The following FKBP11 variants were observed in gnomAD, a reference collection of about 807,000 sequenced individuals.
The protein encoded by FKBP11 is peptidyl-prolyl cis-trans isomerase FKBP11.
FKBP11 carries 21 observed loss-of-function variants against 24.7 expected under a neutral mutation model. The observed-to-expected ratio is 0.85, with a 90% CI of 0.60 to 1.23. FKBP11 has a LOEUF of 1.23. FKBP11 is among the 50% of genes most tolerant of loss of function. The pLI is 0.00. For synonymous variants in FKBP11, 106 were observed against 100.6 expected (o/e 1.05, Z -0.32); for missense variants, 245 against 248.7 (o/e 0.99, Z 0.10).
intron 5 of FKBP11, chr12:48,923,212 A>G: frequency 7.9e-7 from 1 of 1,263,404 alleles, no homozygotes; most frequent in Non-Finnish European, 1.0e-6. Flanking sequence ...AGCTAATAGA[A>G]CATTTGTTAG....
chr12:48,938,328 C>T, the FKBP11 span: 1 of 452,202 alleles, frequency 2.2e-6, no homozygotes, highest in Admixed American at 2.4e-5. Context: ...AATGCCCTCC[C>T]ACCTTCTTCC....
At chr12:48,925,224 G>A (rs1939935076) in intron 1 of FKBP11, 76 bp downstream of exon 1, 2 of 1,588,278 alleles carry the variant, frequency 1.3e-6, no homozygotes, top group Non-Finnish European at 1.7e-6. Flanking sequence ...CCGGCTCCCA[G>A]GTTCGCTGAG....
At chr12:48,933,131 T>C in the FKBP11 span, among the ~76,000 whole-genome samples, 1 of 152,226 alleles carries the variant, frequency 6.6e-6, no homozygotes, top group Non-Finnish European at 1.5e-5. Flanking sequence ...CTCCAACCAC[T>C]GCCTTCGGTG....
the FKBP11 span, chr12:48,937,538 C>T: frequency 6.6e-6 from 1 of 152,380 alleles, no homozygotes. Flanking sequence ...GCACTGACAA[C>T]CACTTCAGGA....
At chr12:48,929,161 A>G (rs1046184706), upstream of FKBP11, among the ~76,000 whole-genome samples, 1 of 151,874 alleles carries the variant, frequency 6.6e-6, no homozygotes, top group African/African-American at 2.4e-5. Flanking sequence ...AAAGAAAAAA[A>G]AAAGTCTTGG....
chr12:48,932,263 T>TATA, the FKBP11 span, among the ~76,000 whole-genome samples: 2 of 25,062 alleles, frequency 8.0e-5, no homozygotes, highest in Non-Finnish European at 6.7e-5. Flanking sequence ...ATATATATAT[T>TATA]TTTTTTTTTT....
At chr12:48,931,588 TC>T in the FKBP11 span, 1 of 929,566 alleles carries the variant, frequency 1.1e-6, no homozygotes, top group Non-Finnish European at 1.6e-6. Context: ...TAGAAAAGCC[TC>T]CACACTCAAA....
intron 2 of FKBP11, 35 bp downstream of exon 2, chr12:48,925,011 T>TCC: frequency 5.4e-6 from 5 of 919,420 alleles, no homozygotes; most frequent in Non-Finnish European, 8.4e-6. Flanking sequence ...CGCCGCCCCC[T>TCC]CCCAGGCCCC....
In FKBP11 at chr12:48,924,752, G is replaced by C. The variant is rs1474382723; in HGVS notation, c.196-104C>G. 7.8e-6 allele frequency: 12 copies of C among 1,548,200 alleles called. No homozygotes were observed. In the East Asian group the frequency reaches 2.3e-4, roughly 30 times the overall value. On this transcript the variant is annotated intron_variant, in intron 2 of 5. Coordinates refer to ENST00000550765, the MANE Select transcript of FKBP11 (RefSeq NM_016594.3). The stretch of plus-strand genomic sequence containing the variant: ...TGGGCGGCGGCAGCCCCCTTAGTGC[G>C]GCAGCCTAGCGTTCCCCTTACCGCT...
chr12:48,933,947 G>A, the FKBP11 span, among the ~76,000 whole-genome samples: 1 of 152,018 alleles, frequency 6.6e-6, no homozygotes, highest in Non-Finnish European at 1.5e-5. Flanking sequence ...TGGAAGGGGT[G>A]TCCCCCAACT....
At chr12:48,928,876 G>T (rs1470736128), upstream of FKBP11, among the ~76,000 whole-genome samples, 1 of 137,308 alleles carries the variant, frequency 7.3e-6, no homozygotes, top group African/African-American at 2.7e-5. Flanking sequence ...AGGCTGTAGT[G>T]CAGTGGTGCA....
upstream of FKBP11, chr12:48,925,681 A>G (rs1249095471): frequency 7.3e-6 from 4 of 547,856 alleles, no homozygotes; most frequent in South Asian, 7.4e-5. Context: ...GTTCTGTCCT[A>G]TAACGTGGGT....
At chr12:48,927,873 T>G (rs550378375), upstream of FKBP11, among the ~76,000 whole-genome samples, 1 of 152,190 alleles carries the variant, frequency 6.6e-6, no homozygotes, top group East Asian at 1.9e-4. Flanking sequence ...AGCTCTGGAT[T>G]GCCTACCACC....
upstream of FKBP11, among the ~76,000 whole-genome samples, chr12:48,930,786 T>A (rs939937681): frequency 2.0e-5 from 3 of 151,942 alleles, no homozygotes; most frequent in African/African-American, 7.3e-5. Context: ...TTGGCTAAAG[T>A]AAGGGATTTG....
At chr12:48,937,702 G>C in the FKBP11 span, 15 of 152,418 alleles carry the variant, frequency 9.8e-5, no homozygotes, top group East Asian at 2.7e-3. Context: ...TAGAAAACAA[G>C]AGTTGGAGAA....
chr12:48,924,204 C>T lies in FKBP11; in HGVS notation c.317+19G>A. On this transcript the variant is annotated intron_variant, in intron 4 of 5. Coordinates refer to ENST00000550765, the MANE Select transcript of FKBP11 (RefSeq NM_016594.3). ...CATGCAAAGGGGGTACCCAGGCCCACCCCTGCCGAGATACTCACCCCACAC... is the reference window on the plus strand; with the variant it reads ...CATGCAAAGGGGGTACCCAGGCCCATCCCTGCCGAGATACTCACCCCACAC... 1 of 1,614,132 alleles carries T rather than the reference C, an allele frequency of 6.2e-7. No individual in the cohort carries two copies. The highest frequency in any genetic ancestry group is 8.5e-7 in the Non-Finnish European group (1 of 1,179,996).
chr12:48,922,213 GA>G lies in FKBP11; in HGVS notation c.389-13del. The G allele has an allele frequency of 6.2e-7, 1 of 1,606,110 alleles. No homozygotes were observed. Among genetic ancestry groups the G allele is most frequent in the Non-Finnish European group, 8.5e-7 (1 of 1,174,010 alleles). Reference sequence around the variant, plus strand: ...CACCACTGCATCCGCTGGAGAGGCAGAGGGGTGGAGAGGGTTAGACTCTCTG... The same window carrying G: ...CACCACTGCATCCGCTGGAGAGGCAGGGGGTGGAGAGGGTTAGACTCTCTG... On this transcript the variant is annotated splice_polypyrimidine_tract_variant and intron_variant, in intron 5 of 5. Transcript: ENST00000550765.
At chr12:48,932,237 A>G in the FKBP11 span, among the ~76,000 whole-genome samples, 1 of 32,758 alleles carries the variant, frequency 3.1e-5, no homozygotes, top group African/African-American at 1.3e-4. Context: ...TTATATATAT[A>G]TATATATATA....
At chr12:48,923,136 G>T in intron 5 of FKBP11, 1 of 1,090,962 alleles carries the variant, frequency 9.2e-7, no homozygotes, top group Non-Finnish European at 1.1e-6. Context: ...CAACAAGAGT[G>T]AAACTCCATC....
Sources: allele counts gnomAD v4.1 joint callset (sites outside exome capture counted in the v4.1 genomes callset), GRCh38; gene constraint gnomAD v4.1.1; transcripts MANE v1.5; gene names NCBI Gene and HGNC (gene_info 2026-07-23, HGNC 2026-07-21).